GAD1: variants seen among roughly 807,000 people sequenced by gnomAD.
GAD1 encodes glutamate decarboxylase 1, also known as 67 kDa glutamic acid decarboxylase.
Under a neutral mutation model 75.2 loss-of-function variants are expected in GAD1, and 35 were observed. The ratio of observed to expected loss-of-function variants is 0.47; its 90% CI spans 0.36 to 0.62. GAD1 has a LOEUF of 0.62. GAD1 is among the 20% of genes least tolerant of loss of function. GAD1 has a pLI of 0.00. For missense variants in GAD1, 490 were observed against 758.5 expected (o/e 0.65, Z 4.16); for synonymous variants, 257 against 271.9 (o/e 0.95, Z 0.54).
At chr2:170,833,136 T>C (rs1702284736) in intron 5 of GAD1, among the ~76,000 whole-genome samples, 1 of 152,274 alleles carries the variant, frequency 6.6e-6, no homozygotes, top group Non-Finnish European at 1.5e-5. Context: ...CCTCTCATTC[T>C]TCCTCGTCAT....
intron 6 of GAD1, among the ~76,000 whole-genome samples, chr2:170,837,331 C>T (rs576595212): frequency 1.3e-5 from 2 of 152,314 alleles, no homozygotes; most frequent in African/African-American, 4.8e-5. Context: ...AATTCTAAAA[C>T]AAAATTCAGC....
chr2:170,839,362 CCCAG>C, intron 6 of GAD1, among the ~76,000 whole-genome samples: 1 of 152,296 alleles, frequency 6.6e-6, no homozygotes, highest in East Asian at 1.9e-4. Context: ...CGCCTGTAAT[CCCAG>C]CACTTTGGGA....
At chr2:170,856,912 A>G in intron 14 of GAD1, 106 bp from the exon 15 acceptor site, 2 of 905,542 alleles carry the variant, frequency 2.2e-6, no homozygotes, top group East Asian at 2.4e-5. Context: ...ACCAGCTCCA[A>G]AAATACTTTT....
chr2:170,836,762 T>G (rs1274132112), intron 5 of GAD1, 31 bp from the exon 6 acceptor site: 1 of 1,532,086 alleles, frequency 6.5e-7, no homozygotes, highest in Non-Finnish European at 9.0e-7. Flanking sequence ...AAATCTGCAT[T>G]TGCCTTGATG....
upstream of GAD1, chr2:170,816,529 G>A (rs993571807): frequency 1.3e-5 from 2 of 152,106 alleles, no homozygotes; most frequent in African/African-American, 4.8e-5. Flanking sequence ...GAGGGGAAAG[G>A]AGGGGAGGGA....
chr2:170,840,708 T>C (rs1447639565), intron 6 of GAD1, among the ~76,000 whole-genome samples: 2 of 145,260 alleles, frequency 1.4e-5, no homozygotes, highest in Non-Finnish European at 3.0e-5. Context: ...ATACTCCTCT[T>C]TGATTAAAAA....
chr2:170,829,582 G>A lies in GAD1; in HGVS notation c.253G>A (p.Asp85Asn), dbSNP rs778827123. ...NLLSCENSDR[D>N]ARFRRTETDF... is the part of the protein sequence containing the mutation. ...GCTTTCCTGTGAAAACAGCGACCGGGATGCCCGCTTCCGGCGCACAGAGAC... is the reference window on the plus strand; with the variant it reads ...GCTTTCCTGTGAAAACAGCGACCGGAATGCCCGCTTCCGGCGCACAGAGAC... Residue 85 changes from aspartate (D) to asparagine (N), a missense_variant, in exon 4 of 17, where the codon GAT becomes AAT. Physicochemically the swap from Asp to Asn is conservative, Grantham distance 23. This residue lies in a region of GAD1 where 165 missense variants were observed against 216.4 expected (regional missense o/e 0.76). Coordinates refer to ENST00000358196, the MANE Select transcript of GAD1 (RefSeq NM_000817.3). 2.5e-6 allele frequency: 4 copies of A among 1,613,862 alleles called. No individual in the cohort carries two copies. Among genetic ancestry groups the A allele is most frequent in the Middle Eastern group, 1.7e-4 (1 of 5,930 alleles).
chr2:170,847,248 T>C (rs535368932), intron 10 of GAD1, among the ~76,000 whole-genome samples: 29 of 152,346 alleles, frequency 1.9e-4, no homozygotes, highest in Admixed American at 1.4e-3. Flanking sequence ...ACAGGTGATA[T>C]TCAGAACTAT....
chr2:170,845,749 G>C lies in GAD1; in HGVS notation c.911G>C (p.Gly304Ala), dbSNP rs770967698. The C allele has an allele frequency of 6.2e-7, 1 of 1,614,146 alleles. No homozygotes were observed. The highest frequency in any genetic ancestry group is 1.1e-5 in the South Asian group (1 of 91,066). ...IKKAGAALGF[G>A]TDNVILIKCN... Reference sequence around the variant, plus strand: ...AAAGCTGGGGCTGCACTTGGCTTTGGAACTGACAATGTGATTTTGATAAAG... The same window carrying C: ...AAAGCTGGGGCTGCACTTGGCTTTGCAACTGACAATGTGATTTTGATAAAG... The change falls in exon 9 of 17, where the codon GGA (glycine) becomes GCA (alanine). Residue 304 changes from glycine (G) to alanine (A), a missense_variant. This residue lies in a region of GAD1 where 324 missense variants were observed against 523.9 expected (regional missense o/e 0.62). Coordinates refer to ENST00000358196, the MANE Select transcript of GAD1 (RefSeq NM_000817.3).
In GAD1 at chr2:170,832,691, C is replaced by G. The variant is rs200435228; in HGVS notation, c.547+1499C>G. Among the ~76,000 whole-genome samples the G allele has an allele frequency of 3.7e-3, 543 of 147,350 alleles. 7 individuals carry two copies. The highest frequency in any genetic ancestry group is 0.022 in the East Asian group (105 of 4,862). ...ACACACACACACACACACACACACA[C>G]ACACATACACACATGCCTTCTCATT... is the stretch of plus-strand genomic sequence containing the variant. On this transcript the variant is annotated intron_variant, in intron 5 of 16. Coordinates refer to ENST00000358196, the MANE Select transcript of GAD1 (RefSeq NM_000817.3).
chr2:170,836,642 CCCTT>C, intron 5 of GAD1, 147 bp from the exon 6 acceptor site: 2 of 692,026 alleles, frequency 2.9e-6, no homozygotes, highest in South Asian at 3.1e-5. Context: ...GGTCAACCTG[CCCTT>C]CCTTTTTCAA....
At chr2:170,842,750 T>C in intron 6 of GAD1, 1 of 1,540,416 alleles carries the variant, frequency 6.5e-7, no homozygotes, top group East Asian at 2.3e-5. Context: ...AAAATACTTC[T>C]ACCAACATAT....
chr2:170,823,895 G>GC (rs1701959964), intron 3 of GAD1, among the ~76,000 whole-genome samples: 1 of 152,140 alleles, frequency 6.6e-6, no homozygotes, highest in African/African-American at 2.4e-5. Flanking sequence ...CCCCCATCCT[G>GC]CCCCCTGCTG....
At chr2:170,849,138 C>A (rs1702698761) in intron 11 of GAD1, 148 bp from the exon 12 acceptor site, 1 of 724,922 alleles carries the variant, frequency 1.4e-6, no homozygotes. Context: ...ACTGATTGAA[C>A]AATCAGTGTG....
intron 6 of GAD1, among the ~76,000 whole-genome samples, chr2:170,838,641 A>G (rs1016081015): frequency 1.3e-5 from 2 of 152,158 alleles, no homozygotes; most frequent in Non-Finnish European, 2.9e-5. Flanking sequence ...TATGTCTCCA[A>G]TCTCAAGGTA....
chr2:170,821,991 G>C, intron 2 of GAD1, 96 bp from the exon 3 acceptor site: 1 of 1,058,282 alleles, frequency 9.4e-7, no homozygotes, highest in Admixed American at 2.0e-5. Flanking sequence ...CTCTGGCAAA[G>C]TCCTCATCCT....
chr2:170,818,195 A>C lies in GAD1; in HGVS notation c.-63-334A>C. On this transcript the variant is annotated intron_variant, in intron 1 of 16. Transcript: ENST00000358196. The surrounding 1 kb of genome is among the most constrained non-coding windows in gnomAD (Gnocchi z 5.9). The stretch of plus-strand genomic sequence containing the variant: ...CCCTGTGCTCCTAGCCTAGTCCCCC[A>C]CACCCTTGCGTCTTGTACTGGCCTT... The C allele has an allele frequency of 2.1e-5, 5 of 243,746 alleles. No homozygotes were observed. Among genetic ancestry groups the C allele is most frequent in the South Asian group, 1.5e-4 (3 of 19,676 alleles). The allele number at this position is 243,746 out of a possible 1,614,324, so 15.1% of individuals were successfully genotyped here.
At chr2:170,833,139 C>T in intron 5 of GAD1, among the ~76,000 whole-genome samples, 1 of 152,200 alleles carries the variant, frequency 6.6e-6, no homozygotes, top group East Asian at 1.9e-4. Flanking sequence ...CTCATTCTTC[C>T]TCGTCATTTG....
intron 14 of GAD1, among the ~76,000 whole-genome samples, chr2:170,854,751 G>A (rs768296547): frequency 3.3e-5 from 5 of 152,156 alleles, no homozygotes; most frequent in Non-Finnish European, 5.9e-5. Context: ...ATGTATGACA[G>A]TTTTAACTTC....
Sources: gnomAD v4.1 joint callset for allele counts (sites outside exome capture counted in the v4.1 genomes callset) on GRCh38, gnomAD v4.1.1 for gene constraint, gnomAD v4.1.1 regional missense constraint, Gnocchi (gnomAD v3.1) non-coding constraint, MANE v1.5 for transcripts, NCBI Gene and HGNC (gene_info 2026-07-23, HGNC 2026-07-21) for gene names.